HSF2BP: variants seen among roughly 807,000 people sequenced by gnomAD.
HSF2BP encodes the protein heat shock transcription factor 2 binding protein, also known as heat shock factor 2-binding protein.
HSF2BP carries 35 observed loss-of-function variants against 35.0 expected under a neutral mutation model. That is an observed-to-expected ratio of 1.00 (90% confidence interval 0.76 to 1.32). HSF2BP has a LOEUF of 1.32. HSF2BP is among the 40% of genes most tolerant of loss of function. HSF2BP has a pLI of 0.00. For synonymous variants in HSF2BP, 114 were observed against 117.4 expected (o/e 0.97, Z 0.18); for missense variants, 326 against 321.7 (o/e 1.01, Z -0.10).
chr21:43,640,226 A>C (rs1172198891), intron 4 of HSF2BP, among the ~76,000 whole-genome samples: 1 of 152,224 alleles, frequency 6.6e-6, no homozygotes, highest in Non-Finnish European at 1.5e-5. Flanking sequence ...GCTTTGGCCC[A>C]GGAGGTCAAG....
At chr21:43,581,654 G>A (rs910830798) in intron 8 of HSF2BP, among the ~76,000 whole-genome samples, 4 of 152,012 alleles carry the variant, frequency 2.6e-5, no homozygotes, top group Non-Finnish European at 5.9e-5. Context: ...GCCCAAGAAA[G>A]GCAAAAAAAA....
At chr21:43,592,384 T>C in intron 7 of HSF2BP, 56 bp from the exon 8 acceptor site, 1 of 1,102,724 alleles carries the variant, frequency 9.1e-7, no homozygotes. Context: ...CATTTCACCC[T>C]AAACATACCT....
intron 4 of HSF2BP, among the ~76,000 whole-genome samples, chr21:43,634,288 C>A (rs1003398568): frequency 2.0e-5 from 3 of 152,180 alleles, no homozygotes; most frequent in Non-Finnish European, 4.4e-5. Context: ...AAGCACACTT[C>A]GAGGATTCAC....
Position 43,614,051 on chromosome 21 carries a change from C to T in HSF2BP, c.575-104G>A, listed in dbSNP as rs151055113. 939 of 807,418 alleles carry T rather than the reference C, an allele frequency of 1.2e-3. 5 individuals carry two copies. In the African/African-American group the frequency reaches 0.014, roughly 12 times the overall value. The allele number at this position is 807,418 out of a possible 1,614,324, so 50.0% of individuals were successfully genotyped here. ...TCTCCTAAAAGACCTAATGAAAACA[C>T]AGCTGAAAATGAGGCATTTATAAAT... On this transcript the variant is annotated intron_variant, in intron 6 of 8. Transcript: ENST00000291560.
At chr21:43,641,200 C>T (rs993094618) in intron 4 of HSF2BP, among the ~76,000 whole-genome samples, 1 of 152,072 alleles carries the variant, frequency 6.6e-6, no homozygotes, top group Non-Finnish European at 1.5e-5. Flanking sequence ...GGGGTTTCAC[C>T]GTGTTAGCCA....
chr21:43,629,387 G>A (rs1320555825), intron 6 of HSF2BP, among the ~76,000 whole-genome samples: 1 of 152,160 alleles, frequency 6.6e-6, no homozygotes, highest in Non-Finnish European at 1.5e-5. Flanking sequence ...CCAACATGGA[G>A]AAACCCCATC....
chr21:43,584,895 G>A (rs1419410535), intron 8 of HSF2BP, among the ~76,000 whole-genome samples: 1 of 152,118 alleles, frequency 6.6e-6, no homozygotes, highest in African/African-American at 2.4e-5. Flanking sequence ...TAAAGGACAA[G>A]TTTGAAAAAT....
intron 3 of HSF2BP, 23 bp from the exon 4 acceptor site, chr21:43,644,415 C>A (rs2246602): frequency 0.61 from 960,260 of 1,575,948 alleles, 295,447 homozygotes; most frequent in East Asian, 0.78. Context: ...CATAAAATTA[C>A]TCAAGATATT....
chr21:43,586,650 G>A (rs1196505181), intron 8 of HSF2BP, among the ~76,000 whole-genome samples: 1 of 152,074 alleles, frequency 6.6e-6, no homozygotes, highest in African/African-American at 2.4e-5. Context: ...TAAAAGGTTA[G>A]GTAAGTTCAC....
intron 3 of HSF2BP, among the ~76,000 whole-genome samples, chr21:43,650,620 C>T (rs1871976763): frequency 6.6e-6 from 1 of 151,022 alleles, no homozygotes; most frequent in African/African-American, 2.4e-5. Flanking sequence ...TGAAAGAAAA[C>T]AGAGGGTGAT....
chr21:43,624,649 C>A (rs1429109847), intron 6 of HSF2BP, among the ~76,000 whole-genome samples: 1 of 152,130 alleles, frequency 6.6e-6, no homozygotes, highest in Non-Finnish European at 1.5e-5. Context: ...GTCCTGCCCC[C>A]AAATTATCAA....
At position 43,651,739 on chromosome 21, in the gene HSF2BP, A is replaced by T. The variant is rs1301360995; in HGVS notation, c.187+4848T>A. ...GATGAACCTGCAATCGGTCCTGCTC[A>T]ATCCCATGTGTGACTTTCACATGCC... On this transcript the variant is annotated intron_variant, in intron 3 of 8. Transcript: ENST00000291560. Among the ~76,000 whole-genome samples the T allele has an allele frequency of 2.6e-5, 4 of 152,352 alleles. No individual in the cohort carries two copies. The East Asian group carries it at 7.7e-4, about 29-fold the overall frequency.
chr21:43,633,704 T>C (rs1186586620), intron 4 of HSF2BP, among the ~76,000 whole-genome samples: 1 of 152,140 alleles, frequency 6.6e-6, no homozygotes, highest in East Asian at 1.9e-4. Context: ...CTACATGAAA[T>C]ATCTCAAGCC....
intron 6 of HSF2BP, among the ~76,000 whole-genome samples, chr21:43,619,149 A>T (rs2082304628): frequency 1.3e-5 from 2 of 152,120 alleles, no homozygotes; most frequent in African/African-American, 4.8e-5. Flanking sequence ...CACTGTAAAC[A>T]CAACTTTTAT....
At chr21:43,634,318 T>G (rs993638196) in intron 4 of HSF2BP, among the ~76,000 whole-genome samples, 5 of 151,954 alleles carry the variant, frequency 3.3e-5, no homozygotes, top group Non-Finnish European at 7.4e-5. Context: ...ACTGCTAGAG[T>G]GATGGGGGGC....
In HSF2BP at chr21:43,578,321, C is replaced by T. The variant is rs574415973; in HGVS notation, c.796+13904G>A. 9.6e-4 allele frequency among the ~76,000 whole-genome samples: 146 copies of T among 152,134 alleles called. 1 individual carries two copies. The highest frequency in any genetic ancestry group is 3.3e-3 in the African/African-American group (137 of 41,480). On this transcript the variant is annotated intron_variant, in intron 8 of 8. Coordinates refer to ENST00000291560, the MANE Select transcript of HSF2BP (RefSeq NM_007031.2). ...GCTCCATACTCCTGCCCAATTAATA[C>T]AATCTCTAGGGATGAGATTCCCTAG...
chr21:43,593,789 A>T (rs2081954733), intron 7 of HSF2BP, among the ~76,000 whole-genome samples: 1 of 152,178 alleles, frequency 6.6e-6, no homozygotes, highest in East Asian at 1.9e-4. Flanking sequence ...AACAGATTAA[A>T]GAAAGATAAA....
chr21:43,495,932 G>C, the HSF2BP span, among the ~76,000 whole-genome samples: 7 of 112,210 alleles, frequency 6.2e-5, no homozygotes, highest in Non-Finnish European at 1.2e-4. Context: ...TGTGGAGCAC[G>C]GACTCCCAGG....
chr21:43,644,441 C>T (rs1344768179), intron 3 of HSF2BP, 49 bp from the exon 4 acceptor site: 2 of 1,420,314 alleles, frequency 1.4e-6, no homozygotes, highest in African/African-American at 2.8e-5. Flanking sequence ...TCACTAATCT[C>T]TCCCTAAGCA....
Sources: gnomAD v4.1 joint callset for allele counts (sites outside exome capture counted in the v4.1 genomes callset) on GRCh38, gnomAD v4.1.1 for gene constraint, MANE v1.5 for transcripts, NCBI Gene and HGNC (gene_info 2026-07-23, HGNC 2026-07-21) for gene names.